CACNA1G: variants seen among roughly 807,000 people sequenced by gnomAD.
CACNA1G encodes the protein calcium voltage-gated channel subunit alpha1 G.
Under a neutral mutation model 219.4 loss-of-function variants are expected in CACNA1G, and 67 were observed. That is an observed-to-expected ratio of 0.31 (90% CI 0.25 to 0.37). The LOEUF is 0.37. Among genes scored for constraint, CACNA1G ranks in the 10% least tolerant of loss-of-function variants. CACNA1G has a pLI of 1.00. For missense variants in CACNA1G, 2,380 were observed against 3,231.4 expected, an observed-to-expected ratio of 0.74 and a Z score of 6.39; for synonymous variants, 1,296 against 1,345.3, an observed-to-expected ratio of 0.96 and a Z score of 0.80.
At position 50,596,870 on chromosome 17, in the gene CACNA1G, A is replaced by C. The variant is rs913245207; in HGVS notation, c.3205A>C (p.Thr1069Pro). 6.3e-5 allele frequency: 101 copies of C among 1,593,260 alleles called. No homozygotes were observed. Among genetic ancestry groups the C allele is most frequent in the Non-Finnish European group, 8.1e-5 (95 of 1,170,206 alleles). Reference protein sequence around the residue: ...GEALGPASRRTSSSGSAEPGA... With the variant: ...GEALGPASRRPSSSGSAEPGA... ...GGCGCTGGGCCCTGCGTCGCGCCGC[A>C]CCAGCAGCAGCGGGTCGGCAGAGCC... Residue 1069 changes from threonine to proline, a missense_variant, in exon 16 of 38, where the codon ACC (threonine) becomes CCC (proline). Coordinates refer to ENST00000359106, the MANE Select transcript of CACNA1G (RefSeq NM_018896.5). This position sits in a 1 kb window ranked among gnomAD's most constrained non-coding sequence, Gnocchi z 4.8.
rs149169279 is a variant in CACNA1G, at chr17:50,621,013, G to T, written c.5926-647G>T. 1.2e-4 allele frequency among the ~76,000 whole-genome samples: 19 copies of T among 152,188 alleles called. No homozygotes were observed. Among genetic ancestry groups the T allele is most frequent in the Admixed American group, 1.2e-3 (19 of 15,292 alleles). On this transcript the variant is annotated intron_variant, in intron 34 of 37. Coordinates refer to ENST00000359106, the MANE Select transcript of CACNA1G (RefSeq NM_018896.5). This position sits in a 1 kb window ranked among gnomAD's most constrained non-coding sequence, Gnocchi z 4.6. ...ATGGTGTGGCAGCCCACCCGAGTGC[G>T]CCCACTTCAGGCTAACGGGAGAACA...
rs567702719 is a variant in CACNA1G at position 50,593,314 on chromosome 17, C to A, written c.2910+1222C>A. 2.5e-4 allele frequency among the ~76,000 whole-genome samples: 38 copies of A among 152,360 alleles called. No individual in the cohort carries two copies. The East Asian group carries it at 7.3e-3, about 29-fold the overall frequency. ...AGGAGGAGCTGAGTGAGGACCGGGC[C>A]CCCTGGCCCCTTCTGAAGGCAGCTC... On this transcript the variant is annotated intron_variant, in intron 13 of 37. Transcript: ENST00000359106.
In CACNA1G at chr17:50,596,539, G is replaced by T. The variant is rs75255518; in HGVS notation, c.2980-23G>T. 603 of 1,608,270 alleles carry T rather than the reference G, an allele frequency of 3.7e-4. 4 individuals carry two copies. The African/African-American group carries it at 6.5e-3, about 17-fold the overall frequency. On this transcript the variant is annotated intron_variant, in intron 14 of 37. Transcript: ENST00000359106. The surrounding 1 kb of genome is among the most constrained non-coding windows in gnomAD (Gnocchi z 4.8). Reference sequence around the variant, plus strand: ...ACCCAAGCCTGGCCGGATCCCTAATGGTCCGCTGCTCCCCTGCCCTAGGGA... The same window carrying T: ...ACCCAAGCCTGGCCGGATCCCTAATTGTCCGCTGCTCCCCTGCCCTAGGGA...
At position 50,592,017 on chromosome 17, in the gene CACNA1G, T is replaced by C; in HGVS notation, c.2835T>C (p.Ile945=). 10 of 1,614,014 alleles carry C rather than the reference T, an allele frequency of 6.2e-6. No individual in the cohort carries two copies. The highest frequency in any genetic ancestry group is 8.5e-6 in the Non-Finnish European group (10 of 1,179,878). Residue 945 remains isoleucine, a synonymous_variant, in exon 13 of 38, where the codon ATT becomes ATC. Transcript: ENST00000359106. ...CGTCCTGGGCGGCCCTTTATTTCATTGCCCTCATGACCTTCGGCAACTACG... is the reference window on the plus strand; with the variant it reads ...CGTCCTGGGCGGCCCTTTATTTCATCGCCCTCATGACCTTCGGCAACTACG... The part of the protein sequence containing the change: ...STSSWAALYF[I]ALMTFGNYVL...
intron 24 of CACNA1G, 66 bp downstream of exon 24, chr17:50,607,055 C>G (rs758456538): frequency 1.6e-6 from 2 of 1,261,984 alleles, no homozygotes; most frequent in African/African-American, 2.9e-5. Flanking sequence ...GATTCCAGGA[C>G]AGAAAGAGCA....
At chr17:50,602,975 G>A in intron 20 of CACNA1G, 40 bp from the exon 21 acceptor site, 1 of 1,610,348 alleles carries the variant, frequency 6.2e-7, no homozygotes, top group Non-Finnish European at 8.5e-7. Flanking sequence ...GTTGGCTGCA[G>A]CGCAGGGAGG....
intron 13 of CACNA1G, among the ~76,000 whole-genome samples, chr17:50,594,735 T>TG (rs35170481): frequency 2.6e-5 from 4 of 152,186 alleles, no homozygotes; most frequent in African/African-American, 9.7e-5. Flanking sequence ...ATTAGGATTA[T>TG]GGGGGGACCT....
rs775757303 is a variant in CACNA1G, at chr17:50,571,863, C to A, written c.587-15C>A. ...GGCCAGCCTGGTGTCCCCAGCGTGG[C>A]TTCTGCCCCCACAGGCATGCGCATC... On this transcript the variant is annotated splice_polypyrimidine_tract_variant and intron_variant, in intron 4 of 37. Coordinates refer to ENST00000359106, the MANE Select transcript of CACNA1G (RefSeq NM_018896.5). This position sits in a 1 kb window ranked among gnomAD's most constrained non-coding sequence, Gnocchi z 4.3. 3.7e-6 allele frequency: 6 copies of A among 1,612,930 alleles called. No homozygotes were observed. Among genetic ancestry groups the A allele is most frequent in the Admixed American group, 3.3e-5 (2 of 60,022 alleles).
chr17:50,580,034 C>G (rs2041599970), intron 9 of CACNA1G, among the ~76,000 whole-genome samples: 1 of 152,180 alleles, frequency 6.6e-6, no homozygotes, highest in Non-Finnish European at 1.5e-5. Context: ...GTGCACCCCT[C>G]CCCATCACCA....
chr17:50,615,458 T>C lies in CACNA1G; in HGVS notation c.4857T>C (p.Gly1619=). The change falls in exon 27 of 38, where the codon GGT becomes GGC. Residue 1619 remains glycine, a synonymous_variant. Coordinates refer to ENST00000359106, the MANE Select transcript of CACNA1G (RefSeq NM_018896.5). ...TSHYLDLFIT[G]VIGLNVVTMA... ...ACTACCTGGACCTCTTCATCACAGG[T>C]GTCATCGGGCTGAACGTGGTCACCA... 1 of 1,613,800 alleles carries C rather than the reference T, an allele frequency of 6.2e-7. No homozygotes were observed. Among genetic ancestry groups the C allele is most frequent in the Non-Finnish European group, 8.5e-7 (1 of 1,179,738 alleles).
chr17:50,565,714 C>T (rs2037624461), intron 1 of CACNA1G, among the ~76,000 whole-genome samples: 1 of 152,178 alleles, frequency 6.6e-6, no homozygotes, highest in African/African-American at 2.4e-5. Flanking sequence ...CCCTCCTCTC[C>T]CTACTTTCCT....
intron 37 of CACNA1G, among the ~76,000 whole-genome samples, chr17:50,625,605 C>T (rs570700310): frequency 1.3e-5 from 2 of 152,216 alleles, no homozygotes; most frequent in South Asian, 2.1e-4. Context: ...AACCTGAGTC[C>T]GTAAAATCGA....
At position 50,626,857 on chromosome 17, in the gene CACNA1G, C is replaced by T. The variant is rs1203964322; in HGVS notation, c.*106C>T. ...AAGTTCCATATAGACACCAAGGAGG[C>T]GGAGGCGCTCCTCCCTGCCTCAGTG... On this transcript the variant is annotated 3_prime_UTR_variant, in exon 38 of 38. Coordinates refer to ENST00000359106, the MANE Select transcript of CACNA1G (RefSeq NM_018896.5). This position sits in a 1 kb window ranked among gnomAD's most constrained non-coding sequence, Gnocchi z 4.3. The T allele has an allele frequency of 4.9e-6, 7 of 1,420,640 alleles. No individual in the cohort carries two copies. The highest frequency in any genetic ancestry group is 3.3e-5 in the Admixed American group (2 of 59,742). The allele number at this position is 1,420,640 out of a possible 1,614,324, so 88.0% of individuals were successfully genotyped here. A position where few individuals can be genotyped will look rare whatever the true frequency, so the allele number is the denominator to read the frequency against.
chr17:50,568,833 T>C (rs1315229032), intron 1 of CACNA1G, 37 bp from the exon 2 acceptor site: 2 of 1,571,748 alleles, frequency 1.3e-6, no homozygotes, highest in Admixed American at 1.7e-5. Context: ...CGGCCTCAGC[T>C]CCAGCCTTGG....
intron 25 of CACNA1G, among the ~76,000 whole-genome samples, chr17:50,608,525 G>T (rs538152058): frequency 5.6e-5 from 8 of 141,736 alleles, no homozygotes; most frequent in Non-Finnish European, 9.2e-5. Context: ...TTTCTACCAT[G>T]ATATATATAT....
intron 24 of CACNA1G, 53 bp from the exon 25 acceptor site, chr17:50,607,774 G>A: frequency 6.5e-7 from 1 of 1,535,224 alleles, no homozygotes; most frequent in Non-Finnish European, 9.0e-7. Flanking sequence ...CAGCTCCTAA[G>A]ACAGCTTGCC....
At chr17:50,588,638 C>CA (rs1463448591) in intron 9 of CACNA1G, among the ~76,000 whole-genome samples, 1 of 152,040 alleles carries the variant, frequency 6.6e-6, no homozygotes, top group Non-Finnish European at 1.5e-5. Flanking sequence ...GCAGTGCCCC[C>CA]ACTCACAATC....
intron 9 of CACNA1G, among the ~76,000 whole-genome samples, chr17:50,586,607 A>C (rs2145312633): frequency 6.6e-6 from 1 of 152,206 alleles, no homozygotes; most frequent in Non-Finnish European, 1.5e-5. Flanking sequence ...GGGGTTTCTC[A>C]CAGCCTTTCA....
In CACNA1G at chr17:50,601,191, G is replaced by T. The variant is rs753663655; in HGVS notation, c.3915+17G>T. 11 of 1,612,870 alleles carry T rather than the reference G, an allele frequency of 6.8e-6. No individual in the cohort carries two copies. The highest frequency in any genetic ancestry group is 2.7e-5 in the African/African-American group (2 of 74,928). ...CACAGCGCTGTGAGTCACCAGCCCC[G>T]CTCAGGGCAAGGCCTCTCCTGGGGT... is the stretch of plus-strand genomic sequence containing the variant. On this transcript the variant is annotated intron_variant, in intron 19 of 37. Coordinates refer to ENST00000359106, the MANE Select transcript of CACNA1G (RefSeq NM_018896.5).
Sources: allele counts gnomAD v4.1 joint callset (sites outside exome capture counted in the v4.1 genomes callset), GRCh38; gene constraint gnomAD v4.1.1; non-coding constraint Gnocchi (gnomAD v3.1); transcripts MANE v1.5; gene names NCBI Gene and HGNC (gene_info 2026-07-23, HGNC 2026-07-21).